CTBP2: variants seen among roughly 807,000 people sequenced by gnomAD.
CTBP2 encodes C-terminal binding protein 2, also known as C-terminal-binding protein 2.
A neutral mutation model predicts 80.3 loss-of-function variants in CTBP2; 30 were observed. The observed-to-expected ratio is 0.37, with a 90% CI of 0.28 to 0.51. The LOEUF is 0.51. Ranked by LOEUF, CTBP2 falls within the 20% of genes least tolerant of loss-of-function variation. CTBP2 has a pLI of 0.93. For synonymous variants in CTBP2, 594 were observed against 587.4 expected, an observed-to-expected ratio of 1.01 and a Z score of -0.16; for missense variants, 1,212 against 1,375.3, an observed-to-expected ratio of 0.88 and a Z score of 1.88.
intron 2 of CTBP2, among the ~76,000 whole-genome samples, chr10:125,097,839 C>A (rs895701059): frequency 4.6e-5 from 7 of 152,114 alleles, no homozygotes; most frequent in Admixed American, 2.6e-4. Flanking sequence ...AGGCTGGGAG[C>A]AGTGGCTCAC....
chr10:125,018,831 T>A (rs1161512408), intron 1 of CTBP2, among the ~76,000 whole-genome samples: 1 of 152,224 alleles, frequency 6.6e-6, no homozygotes, highest in Non-Finnish European at 1.5e-5. Flanking sequence ...GGACCAGGAA[T>A]CAGGGTTCCT....
chr10:125,003,205 G>A (rs998701062), intron 2 of CTBP2, 101 bp from the exon 5 acceptor site: 7 of 1,586,600 alleles, frequency 4.4e-6, no homozygotes, highest in Non-Finnish European at 6.0e-6. Flanking sequence ...ACCTGAGGCA[G>A]AGGAGTTCAG....
upstream of CTBP2, among the ~76,000 whole-genome samples, chr10:125,030,009 G>T (rs1050403741): frequency 1.1e-4 from 16 of 152,044 alleles, no homozygotes; most frequent in African/African-American, 3.9e-4. Context: ...CTTTCAACCT[G>T]TTCTGCTTGG....
intron 2 of CTBP2, among the ~76,000 whole-genome samples, chr10:125,073,499 C>A (rs11245492): frequency 0.082 from 12,500 of 152,278 alleles, 984 homozygotes; most frequent in East Asian, 0.34. Context: ...CCTTGGCCCC[C>A]CAAAGTGCTG....
intron 1 of CTBP2, among the ~76,000 whole-genome samples, chr10:125,151,250 G>A (rs1019648612): frequency 2.6e-5 from 4 of 152,154 alleles, no homozygotes; most frequent in Admixed American, 2.6e-4. Flanking sequence ...GGGCCAGATC[G>A]CACCGTCCTA....
In CTBP2 at chr10:125,026,150, G is replaced by C. The variant is rs145445656; in HGVS notation, c.1610C>G (p.Pro537Arg). 2 of 1,607,366 alleles carry C rather than the reference G, an allele frequency of 1.2e-6. No individual in the cohort carries two copies. Among genetic ancestry groups the C allele is most frequent in the South Asian group, 2.2e-5 (2 of 90,718 alleles). The change falls in exon 1 of 9, where the codon CCG becomes CGG. Residue 537 changes from proline to arginine, a missense_variant. This residue lies in a region of CTBP2 where 848 missense variants were observed against 782.3 expected (regional missense o/e 1.08). Coordinates refer to ENST00000309035, the MANE Select transcript of CTBP2 (RefSeq NM_022802.3). ...TGTGCGCCGGGCCACCTTCTGGTACGGTGAGTGAGGCGTGTGGAGGCTCTG... is the reference window on the plus strand; with the variant it reads ...TGTGCGCCGGGCCACCTTCTGGTACCGTGAGTGAGGCGTGTGGAGGCTCTG...
intron 2 of CTBP2, among the ~76,000 whole-genome samples, chr10:125,048,948 G>A (rs897782185): frequency 6.6e-6 from 1 of 152,002 alleles, no homozygotes; most frequent in Non-Finnish European, 1.5e-5. Context: ...CACTAATTTA[G>A]AAAGGAAAGG....
chr10:125,133,466 G>T (rs1013255880), intron 1 of CTBP2: 1 of 152,216 alleles, frequency 6.6e-6, no homozygotes, highest in African/African-American at 2.4e-5. Context: ...AGCATGCAAC[G>T]ATCAGGCCAG....
upstream of CTBP2, among the ~76,000 whole-genome samples, chr10:125,032,330 C>T (rs1319056045): frequency 2.0e-5 from 3 of 152,210 alleles, no homozygotes; most frequent in Non-Finnish European, 4.4e-5. Flanking sequence ...AAGTCTCCAC[C>T]TCACCTCCAT....
intron 2 of CTBP2, among the ~76,000 whole-genome samples, chr10:125,105,515 G>C (rs1263249837): frequency 1.3e-5 from 2 of 152,138 alleles, no homozygotes; most frequent in Non-Finnish European, 2.9e-5. Flanking sequence ...CCAGGCTCTT[G>C]CACTTCTGAG....
upstream of CTBP2, among the ~76,000 whole-genome samples, chr10:125,031,223 T>C (rs1425933766): frequency 6.6e-6 from 1 of 152,142 alleles, no homozygotes; most frequent in East Asian, 1.9e-4. Context: ...GTGCCGTGGC[T>C]CATGCCTGTA....
chr10:125,159,161 G>A (rs1486318287), intron 1 of CTBP2, among the ~76,000 whole-genome samples: 1 of 150,864 alleles, frequency 6.6e-6, no homozygotes, highest in Non-Finnish European at 1.5e-5. Flanking sequence ...CCGGCGCCGC[G>A]GAGGGCTGGG....
chr10:125,128,001 T>TA (rs1417060588), intron 1 of CTBP2, among the ~76,000 whole-genome samples: 1 of 152,206 alleles, frequency 6.6e-6, no homozygotes. Context: ...AACATTCTAG[T>TA]AACCCTATAA....
At chr10:125,102,946 G>A (rs548263844) in intron 2 of CTBP2, among the ~76,000 whole-genome samples, 27 of 152,310 alleles carry the variant, frequency 1.8e-4, no homozygotes, top group Admixed American at 4.6e-4. Context: ...CGAGGCTGCC[G>A]CAAGAGCAGC....
intron 2 of CTBP2, among the ~76,000 whole-genome samples, chr10:125,063,316 A>T (rs183721392): frequency 1.8e-4 from 27 of 152,326 alleles, no homozygotes; most frequent in African/African-American, 6.5e-4. Context: ...AGAAATACGG[A>T]GAATTTATTT....
chr10:125,125,180 G>A (rs1398513847), intron 1 of CTBP2, among the ~76,000 whole-genome samples: 2 of 152,092 alleles, frequency 1.3e-5, no homozygotes, highest in South Asian at 2.1e-4. Context: ...CAATGTTGGC[G>A]GAGCATCAAC....
At chr10:125,146,890 T>C (rs781552605) in intron 1 of CTBP2, among the ~76,000 whole-genome samples, 41 of 152,144 alleles carry the variant, frequency 2.7e-4, no homozygotes, top group Admixed American at 1.1e-3. Context: ...TGTGAATGAA[T>C]ATCCTAGGAG....
chr10:125,085,589 T>A (rs781227027), intron 2 of CTBP2, among the ~76,000 whole-genome samples: 1 of 152,278 alleles, frequency 6.6e-6, no homozygotes, highest in Non-Finnish European at 1.5e-5. Context: ...GCGAAGAACC[T>A]CCAACAGTAA....
upstream of CTBP2, among the ~76,000 whole-genome samples, chr10:125,029,147 G>A (rs890408437): frequency 7.9e-5 from 12 of 152,022 alleles, no homozygotes; most frequent in Admixed American, 5.9e-4. Flanking sequence ...CATTAAACCC[G>A]AGTGCTGTTC....
Sources: allele counts gnomAD v4.1 joint callset (sites outside exome capture counted in the v4.1 genomes callset), GRCh38; gene constraint gnomAD v4.1.1; regional missense constraint gnomAD v4.1.1; transcripts MANE v1.5; gene names NCBI Gene and HGNC (gene_info 2026-07-23, HGNC 2026-07-21).